IGF1R: variants seen among roughly 807,000 people sequenced by gnomAD.
IGF1R encodes insulin-like growth factor 1 receptor.
IGF1R carries 44 observed loss-of-function variants against 144.6 expected under a neutral mutation model. The observed-to-expected ratio is 0.30, with a 90% CI of 0.24 to 0.39. The LOEUF (loss-of-function observed/expected upper bound fraction) is 0.39. Among genes scored for constraint, IGF1R ranks in the 10% least tolerant of loss-of-function variants. The pLI, the probability that IGF1R is intolerant of heterozygous loss-of-function variation, is 1.00. For synonymous variants in IGF1R, 795 were observed against 722.8 expected, an observed-to-expected ratio of 1.10 and a Z score of -1.60; for missense variants, 1,355 against 1,833.7, an observed-to-expected ratio of 0.74 and a Z score of 4.77.
At chr15:98,694,124 T>C (rs2081176342) in intron 1 of IGF1R, among the ~76,000 whole-genome samples, 2 of 152,254 alleles carry the variant, frequency 1.3e-5, no homozygotes, top group African/African-American at 4.8e-5. Flanking sequence ...TGGCATACTT[T>C]TATTCCTCTG....
chr15:98,880,779 A>G (rs772146705), intron 2 of IGF1R: 2 of 152,266 alleles, frequency 1.3e-5, no homozygotes, highest in Non-Finnish European at 2.9e-5. Context: ...CAGGTTTATC[A>G]GCAAGGGTCA....
intron 10 of IGF1R, among the ~76,000 whole-genome samples, chr15:98,917,222 G>A (rs995131457): frequency 2.0e-5 from 3 of 152,182 alleles, no homozygotes; most frequent in Non-Finnish European, 2.9e-5. Context: ...TGAGAGGAAA[G>A]GCCAGGATTT....
chr15:98,942,841 CATA>C, intron 18 of IGF1R, 79 bp from the exon 19 acceptor site: 3 of 1,576,702 alleles, frequency 1.9e-6, no homozygotes, highest in Non-Finnish European at 2.6e-6. Flanking sequence ...TCTCTCCACA[CATA>C]ATGAGTGTAG....
intron 15 of IGF1R, among the ~76,000 whole-genome samples, chr15:98,930,898 CT>C (rs1417138670): frequency 1.3e-5 from 2 of 152,114 alleles, no homozygotes; most frequent in Non-Finnish European, 2.9e-5. Flanking sequence ...TGGTTATTTC[CT>C]TTTTTGCTCT....
Position 98,924,653 on chromosome 15 carries a change from A to C in IGF1R, c.2751A>C (p.Thr917=). Residue 917 remains threonine, a synonymous_variant, in exon 13 of 21, where the codon ACA becomes ACC. Coordinates refer to ENST00000650285, the MANE Select transcript of IGF1R (RefSeq NM_000875.5). The stretch of plus-strand genomic sequence containing the variant: ...CTCTCTCTGGGAATGGGTCGTGGAC[A>C]GATCCTGTGTTCTTCTATGTCCAGG... ...ATSLSGNGSW[T]DPVFFYVQAK... is the part of the protein sequence containing the mutation. The C allele has an allele frequency of 1.2e-6, 2 of 1,614,218 alleles. No homozygotes were observed. The highest frequency in any genetic ancestry group is 1.7e-6 in the Non-Finnish European group (2 of 1,180,026).
chr15:98,915,655 A>AT (rs1453504850), intron 8 of IGF1R, among the ~76,000 whole-genome samples: 36 of 152,358 alleles, frequency 2.4e-4, no homozygotes, highest in African/African-American at 8.4e-4. Flanking sequence ...AGGTGTTTGA[A>AT]TTAGCTGTAG....
intron 2 of IGF1R, among the ~76,000 whole-genome samples, chr15:98,719,950 G>C (rs1214032767): frequency 1.3e-5 from 2 of 152,234 alleles, no homozygotes; most frequent in Non-Finnish European, 2.9e-5. Context: ...GGTCATTAGA[G>C]AGAAATGGTA....
At chr15:98,823,644 C>T (rs1332596026) in intron 2 of IGF1R, among the ~76,000 whole-genome samples, 1 of 152,200 alleles carries the variant, frequency 6.6e-6, no homozygotes, top group African/African-American at 2.4e-5. Flanking sequence ...CTGCACAGGG[C>T]TGGTCTGAGC....
In IGF1R at chr15:98,788,060, C is replaced by CTGTGTGTG. The variant is rs1275022774; in HGVS notation, c.640+79954_640+79955insGTGTGTGT. Among the ~76,000 whole-genome samples, 373 of 130,676 alleles carry CTGTGTGTG rather than the reference C, an allele frequency of 2.9e-3. 2 individuals carry two copies. The highest frequency in any genetic ancestry group is 0.011 in the African/African-American group (349 of 33,224). The allele number at this position is 130,676 out of a possible 152,430, so 85.7% of individuals were successfully genotyped here. On this transcript the variant is annotated intron_variant, in intron 2 of 20. Transcript: ENST00000650285. ...TCTCTCTCTCTCTCTCTCTCTCTCT[C>CTGTGTGTG]TCTGTGTGTGTGTGTGTGTGTGTGT...
Position 98,883,772 on chromosome 15 carries a change from G to A in IGF1R, c.641-7553G>A, listed in dbSNP as rs150231548. On this transcript the variant is annotated intron_variant, in intron 2 of 20. Coordinates refer to ENST00000650285, the MANE Select transcript of IGF1R (RefSeq NM_000875.5). ...TGCTGAAAATAAAGATACCCTTTCT[G>A]TCGAAAGTGTTCGCCGGGCTGCCTC... Among the ~76,000 whole-genome samples the A allele has an allele frequency of 4.3e-3, 657 of 152,276 alleles. 4 individuals are homozygous for A. The highest frequency in any genetic ancestry group is 7.4e-3 in the Non-Finnish European group (505 of 68,032).
In IGF1R at chr15:98,649,521, T is replaced by TTTTC; in HGVS notation, c.-57_-54dup. The TTTTC allele has an allele frequency of 1.1e-6, 1 of 940,140 alleles. No homozygotes were observed. The highest frequency in any genetic ancestry group is 1.6e-6 in the Non-Finnish European group (1 of 636,998). 58.2% of individuals were successfully genotyped at this position (940,140 alleles called of 1,614,324 possible). A position where few individuals can be genotyped will look rare whatever the true frequency, so the allele number is the denominator to read the frequency against. The stretch of plus-strand genomic sequence containing the variant: ...CCTTTCATTTCCTTTTTTTCTTTTC[T>TTTTC]TTTCTTTTTTTTTTTTTTTTTTTTT... On this transcript the variant is annotated 5_prime_UTR_variant, in exon 1 of 21. Coordinates refer to ENST00000650285, the MANE Select transcript of IGF1R (RefSeq NM_000875.5).
At chr15:98,953,562 G>A (rs959125494) in intron 20 of IGF1R, among the ~76,000 whole-genome samples, 16 of 152,270 alleles carry the variant, frequency 1.1e-4, no homozygotes, top group African/African-American at 3.6e-4. Context: ...GACGTAAAAG[G>A]TCCCGGCTGC....
intron 2 of IGF1R, among the ~76,000 whole-genome samples, chr15:98,872,654 G>C (rs2012845429): frequency 6.6e-6 from 1 of 152,108 alleles, no homozygotes. Context: ...TGTATACTGA[G>C]GAAAACAAGT....
chr15:98,913,658 T>C (rs1420130784), intron 8 of IGF1R, among the ~76,000 whole-genome samples: 2 of 152,238 alleles, frequency 1.3e-5, no homozygotes, highest in Non-Finnish European at 2.9e-5. Context: ...ACTTAATTCA[T>C]GTAGCTCACT....
At chr15:98,880,685 G>A (rs1326365852) in intron 2 of IGF1R, 2 of 152,178 alleles carry the variant, frequency 1.3e-5, no homozygotes, top group Non-Finnish European at 2.9e-5. Flanking sequence ...TAGCCTATAA[G>A]ACATCATAGT....
At chr15:98,903,952 G>A (rs2151663386) in intron 5 of IGF1R, among the ~76,000 whole-genome samples, 1 of 152,328 alleles carries the variant, frequency 6.6e-6, no homozygotes, top group Non-Finnish European at 1.5e-5. Flanking sequence ...CAATGGGAAT[G>A]AGGGAACTCT....
intron 2 of IGF1R, among the ~76,000 whole-genome samples, chr15:98,889,040 C>T (rs992201741): frequency 3.9e-5 from 6 of 152,186 alleles, no homozygotes; most frequent in Non-Finnish European, 7.3e-5. Flanking sequence ...CCAGTCACAA[C>T]GTTTGTTTAT....
intron 2 of IGF1R, among the ~76,000 whole-genome samples, chr15:98,727,283 AAG>A (rs2054384635): frequency 6.6e-6 from 1 of 152,226 alleles, no homozygotes. Context: ...AAAATATATG[AAG>A]AGTCAGGAAG....
chr15:98,916,122 T>C lies in IGF1R; in HGVS notation c.1987T>C (p.Cys663Arg), dbSNP rs2015233872. Residue 663 changes from cysteine (C) to arginine (R), a missense_variant, in exon 9 of 21, where the codon TGC becomes CGC. By Grantham distance (180) the Cys-to-Arg change is radical. Transcript: ENST00000650285. ...CGGCTACCTTTACCGGCACAATTAC[T>C]GCTCCAAAGGTAAGGGTGCAGCAGC... The part of the protein sequence containing the change: ...QDGYLYRHNY[C>R]SKDKIPIRKY... 1 of 1,614,210 alleles carries C rather than the reference T, an allele frequency of 6.2e-7. No individual in the cohort carries two copies. Among genetic ancestry groups the C allele is most frequent in the East Asian group, 2.2e-5 (1 of 44,890 alleles).
Sources: allele counts gnomAD v4.1 joint callset (sites outside exome capture counted in the v4.1 genomes callset), GRCh38; gene constraint gnomAD v4.1.1; transcripts MANE v1.5; gene names NCBI Gene and HGNC (gene_info 2026-07-23, HGNC 2026-07-21).